The following YY1 variants were observed in gnomAD, a reference collection of about 807,000 sequenced individuals.
YY1 encodes transcriptional repressor protein YY1.
In YY1, 2 loss-of-function variants were observed where a neutral mutation model predicts 35.6. That is an observed-to-expected ratio of 0.06 (90% CI 0.02 to 0.18). The LOEUF is 0.18. Among genes scored for constraint, YY1 ranks in the 10% least tolerant of loss-of-function variants. The probability of loss-of-function intolerance (pLI) is 1.00; values close to 1 mark genes in which losing one functional copy is unlikely to be tolerated. For synonymous variants in YY1, 268 were observed against 238.9 expected (o/e 1.12, Z -1.12); for missense variants, 322 against 573.4 (o/e 0.56, Z 4.48).
intron 1 of YY1, among the ~76,000 whole-genome samples, chr14:100,249,062 A>T (rs573162583): frequency 6.5e-4 from 97 of 149,200 alleles, no homozygotes; most frequent in Middle Eastern, 7.1e-3. Flanking sequence ...CATTAAAACA[A>T]TATAAATGGT....
chr14:100,262,569 C>G (rs540425618), intron 2 of YY1, 103 bp downstream of exon 2: 19 of 1,264,518 alleles, frequency 1.5e-5, no homozygotes, highest in East Asian at 1.2e-4. Flanking sequence ...TGTATTCTTT[C>G]TCTAGGGAAA....
At chr14:100,262,241 G>A (rs759513106) in intron 1 of YY1, 63 bp from the exon 2 acceptor site, 1 of 1,578,654 alleles carries the variant, frequency 6.3e-7, no homozygotes, top group Non-Finnish European at 8.7e-7. Flanking sequence ...ACTGGTGAAA[G>A]CAGTTTTTGT....
chr14:100,277,405 C>G lies in YY1; in HGVS notation c.1063-13C>G, dbSNP rs1466821719. 2.5e-6 allele frequency: 4 copies of G among 1,614,082 alleles called. No individual in the cohort carries two copies. The highest frequency in any genetic ancestry group is 2.2e-5 in the South Asian group (2 of 91,088). On this transcript the variant is annotated splice_polypyrimidine_tract_variant and intron_variant, in intron 4 of 4. Transcript: ENST00000262238. This position sits in a 1 kb window ranked among gnomAD's most constrained non-coding sequence, Gnocchi z 5.6. Reference sequence around the variant, plus strand: ...GTTGCTGAGTGGGTTGATCTCTGGTCTTTCCTTGACAGTGCACGTTCGAAG... The same window carrying G: ...GTTGCTGAGTGGGTTGATCTCTGGTGTTTCCTTGACAGTGCACGTTCGAAG...
At chr14:100,240,297 G>C (rs979110526) in intron 1 of YY1, among the ~76,000 whole-genome samples, 18 of 146,250 alleles carry the variant, frequency 1.2e-4, no homozygotes, top group Admixed American at 1.1e-3. Flanking sequence ...CGGCAGCTGC[G>C]CGCCCCCGGC....
At chr14:100,273,468 T>G (rs1891274782) in intron 2 of YY1, among the ~76,000 whole-genome samples, 1 of 151,980 alleles carries the variant, frequency 6.6e-6, no homozygotes, top group Non-Finnish European at 1.5e-5. Context: ...TTGGGGGATT[T>G]TTTGTTTGTT....
At chr14:100,259,199 A>C (rs749715090) in intron 1 of YY1, among the ~76,000 whole-genome samples, 5 of 152,192 alleles carry the variant, frequency 3.3e-5, no homozygotes, top group African/African-American at 4.8e-5. Context: ...AGGTAGAAGA[A>C]GACTTGTTTT....
chr14:100,270,090 G>A (rs1382356543), intron 2 of YY1, among the ~76,000 whole-genome samples: 1 of 151,300 alleles, frequency 6.6e-6, no homozygotes, highest in African/African-American at 2.4e-5. Flanking sequence ...GTAAAACCCC[G>A]TCTCTACTAA....
chr14:100,264,891 T>C (rs960472017), intron 2 of YY1, among the ~76,000 whole-genome samples: 1 of 151,982 alleles, frequency 6.6e-6, no homozygotes, highest in African/African-American at 2.4e-5. Context: ...GTGGGATCGC[T>C]TGAGGCCAGG....
chr14:100,239,719 AGCGGCG>A lies in YY1; in HGVS notation c.484_489del (p.Gly162_Gly163del). The A allele has an allele frequency of 6.3e-7, 1 of 1,590,988 alleles. No homozygotes were observed. Among genetic ancestry groups the A allele is most frequent in the Non-Finnish European group, 8.5e-7 (1 of 1,173,882 alleles). ...GGTCACCGTGGCGGCGGCCGGCAAG[AGCGGCG>A]GCGGCGGCTCGTCGTCGTCGGGAGG... On this transcript the variant is annotated inframe_deletion, in exon 1 of 5. Transcript: ENST00000262238.
intron 2 of YY1, among the ~76,000 whole-genome samples, chr14:100,263,437 T>C (rs1212921747): frequency 6.6e-6 from 1 of 152,126 alleles, no homozygotes; most frequent in Non-Finnish European, 1.5e-5. Context: ...AACCCATTGG[T>C]TGGGTGTGTT....
rs775885326 is a variant in YY1 at position 100,239,676 on chromosome 14, C to A, written c.432C>A (p.Asp144Glu). Reference protein sequence around the residue: ...PVPAPAGGDDDYIEQTLVTVA... With the variant: ...PVPAPAGGDDEYIEQTLVTVA... ...CCGCGCCGGCCGGCGGCGACGACGA[C>A]TACATTGAACAAACGCTGGTCACCG... The change falls in exon 1 of 5, where the codon GAC (aspartate) becomes GAA (glutamate). Residue 144 changes from aspartate to glutamate, a missense_variant. By Grantham distance (45) the Asp-to-Glu change is conservative. Coordinates refer to ENST00000262238, the MANE Select transcript of YY1 (RefSeq NM_003403.5). The A allele has an allele frequency of 3.1e-6, 5 of 1,607,980 alleles. No individual in the cohort carries two copies. The South Asian group carries it at 5.5e-5, about 18-fold the overall frequency.
chr14:100,265,157 C>T (rs999186997), intron 2 of YY1, among the ~76,000 whole-genome samples: 3 of 152,010 alleles, frequency 2.0e-5, no homozygotes, highest in South Asian at 2.1e-4. Flanking sequence ...GTGGGTGGAT[C>T]GCCTGAGGTC....
chr14:100,265,955 C>T (rs1253061521), intron 2 of YY1, among the ~76,000 whole-genome samples: 2 of 152,086 alleles, frequency 1.3e-5, no homozygotes, highest in Non-Finnish European at 2.9e-5. Flanking sequence ...CCTTTTGAAA[C>T]TTTAAATTAC....
At chr14:100,251,017 A>AAT (rs1292622564) in intron 1 of YY1, among the ~76,000 whole-genome samples, 2 of 152,140 alleles carry the variant, frequency 1.3e-5, no homozygotes, top group Non-Finnish European at 1.5e-5. Flanking sequence ...AGAGAGAAAT[A>AAT]ATATATAAGG....
intron 2 of YY1, among the ~76,000 whole-genome samples, chr14:100,269,554 G>A (rs1891203470): frequency 1.3e-5 from 2 of 152,172 alleles, no homozygotes; most frequent in South Asian, 4.1e-4. Context: ...CTCAGTGGTA[G>A]TATATGATTT....
At chr14:100,265,647 C>CTTTT (rs10594089) in intron 2 of YY1, among the ~76,000 whole-genome samples, 6 of 104,450 alleles carry the variant, frequency 5.7e-5, no homozygotes, top group Non-Finnish European at 7.4e-5. Flanking sequence ...AACACTGAAG[C>CTTTT]TTTTTTTTTT....
At chr14:100,266,058 A>G (rs991977477) in intron 2 of YY1, among the ~76,000 whole-genome samples, 2 of 152,148 alleles carry the variant, frequency 1.3e-5, no homozygotes, top group East Asian at 1.9e-4. Flanking sequence ...GGCAAGAGAA[A>G]AATGAGGTAG....
At position 100,260,967 on chromosome 14, in the gene YY1, AT is replaced by A. The variant is rs200501537; in HGVS notation, c.680-1330del. Among the ~76,000 whole-genome samples, 90 of 143,760 alleles carry A rather than the reference AT, an allele frequency of 6.3e-4. 1 individual carries two copies. In the East Asian group the frequency reaches 0.019, roughly 30 times the overall value. 94.3% of individuals were successfully genotyped at this position (143,760 alleles called of 152,430 possible). On this transcript the variant is annotated intron_variant, in intron 1 of 4. Transcript: ENST00000262238. ...TGCACCCCATGCCTGGCTAATTTTA[AT>A]TTTTTTGTGGAGATGGGGTCTCTCC...
In YY1 at chr14:100,262,401, A is replaced by G. The variant is rs1361587971; in HGVS notation, c.777A>G (p.Lys259=). ...PDYSEYMTGK[K]LPPGGIPGID... is the part of the protein sequence containing the mutation. ...ATTCAGAATATATGACAGGAAAGAA[A>G]CTTCCTCCTGGAGGAATACCTGGCA... The change falls in exon 2 of 5, where the codon AAA becomes AAG. Residue 259 remains lysine (K), a synonymous_variant. Transcript: ENST00000262238. 12 of 1,614,164 alleles carry G rather than the reference A, an allele frequency of 7.4e-6. No individual in the cohort carries two copies. Among genetic ancestry groups the G allele is most frequent in the Non-Finnish European group, 1.0e-5 (12 of 1,180,022 alleles).
Sources: allele counts gnomAD v4.1 joint callset (sites outside exome capture counted in the v4.1 genomes callset), GRCh38; gene constraint gnomAD v4.1.1; non-coding constraint Gnocchi (gnomAD v3.1); transcripts MANE v1.5; gene names NCBI Gene and HGNC (gene_info 2026-07-23, HGNC 2026-07-21).